PIK3C2G: variants seen among roughly 807,000 people sequenced by gnomAD.
PIK3C2G encodes phosphatidylinositol 3-kinase C2 domain-containing subunit gamma.
PIK3C2G carries 168 observed loss-of-function variants against 181.1 expected under a neutral mutation model. That is an observed-to-expected ratio of 0.93 (90% CI 0.82 to 1.05). The LOEUF (loss-of-function observed/expected upper bound fraction) is 1.05. Ranked by LOEUF, PIK3C2G falls within the 50% of genes least tolerant of loss-of-function variation. The probability of loss-of-function intolerance (pLI) is 0.00; values close to 1 mark genes in which losing one functional copy is unlikely to be tolerated. For missense variants in PIK3C2G, 1,869 were observed against 1,732.8 expected (o/e 1.08, Z -1.40); for synonymous variants, 573 against 592.2 (o/e 0.97, Z 0.47).
At chr12:18,449,730 T>G (rs980220324) in intron 18 of PIK3C2G, among the ~76,000 whole-genome samples, 2 of 152,096 alleles carry the variant, frequency 1.3e-5, no homozygotes, top group African/African-American at 4.8e-5. Context: ...GGTTCCAAGT[T>G]TTTGCTATTA....
the PIK3C2G span, among the ~76,000 whole-genome samples, chr12:18,699,059 G>A: frequency 1.3e-5 from 2 of 152,108 alleles, no homozygotes; most frequent in Non-Finnish European, 2.9e-5. Context: ...CTCAGGCCCC[G>A]TTTTACCTTG....
the PIK3C2G span, among the ~76,000 whole-genome samples, chr12:18,662,435 A>G: frequency 6.6e-6 from 1 of 152,110 alleles, no homozygotes; most frequent in Non-Finnish European, 1.5e-5. Flanking sequence ...TTATGACCCT[A>G]GATCTACCCT....
chr12:18,464,357 C>T (rs11044132), intron 18 of PIK3C2G, among the ~76,000 whole-genome samples: 24,461 of 151,944 alleles, frequency 0.16, 2,335 homozygotes, highest in African/African-American at 0.27. Flanking sequence ...CTAATCACTT[C>T]CCAAAGTCCC....
At chr12:18,462,071 C>G (rs1947949693) in intron 18 of PIK3C2G, among the ~76,000 whole-genome samples, 1 of 152,176 alleles carries the variant, frequency 6.6e-6, no homozygotes, top group African/African-American at 2.4e-5. Context: ...TCTCAAAATC[C>G]TTACTTAGTC....
intron 13 of PIK3C2G, among the ~76,000 whole-genome samples, chr12:18,377,769 A>T (rs1460862575): frequency 6.6e-6 from 1 of 152,206 alleles, no homozygotes; most frequent in Admixed American, 6.5e-5. Flanking sequence ...GTAATACTTT[A>T]AAAAATGACC....
chr12:18,726,034 T>G, the PIK3C2G span, among the ~76,000 whole-genome samples: 1 of 152,136 alleles, frequency 6.6e-6, no homozygotes, highest in Non-Finnish European at 1.5e-5. Flanking sequence ...GTCATTTGTT[T>G]CTTGTATCCT....
chr12:18,335,874 G>T (rs1370272200), intron 8 of PIK3C2G, among the ~76,000 whole-genome samples: 1 of 152,090 alleles, frequency 6.6e-6, no homozygotes, highest in Non-Finnish European at 1.5e-5. Context: ...CTGCAAGACT[G>T]GAGTAATAGA....
the PIK3C2G span, among the ~76,000 whole-genome samples, chr12:18,717,242 A>G: frequency 6.6e-6 from 1 of 152,148 alleles, no homozygotes; most frequent in African/African-American, 2.4e-5. Context: ...CTCTTAAAAA[A>G]ATTAAAATAA....
chr12:18,700,173 T>G, the PIK3C2G span, among the ~76,000 whole-genome samples: 3 of 152,120 alleles, frequency 2.0e-5, no homozygotes, highest in Non-Finnish European at 4.4e-5. Flanking sequence ...ATTAATGTAA[T>G]AAGTATTGAG....
chr12:18,399,475 G>A (rs2138122130), intron 15 of PIK3C2G, among the ~76,000 whole-genome samples, 184 bp from the exon 16 acceptor site: 1 of 151,454 alleles, frequency 6.6e-6, no homozygotes, highest in African/African-American at 2.4e-5. Context: ...AAAGAATAAA[G>A]TTAGTGGAAA....
chr12:18,346,255 A>G (rs943915096), intron 10 of PIK3C2G, among the ~76,000 whole-genome samples: 13 of 152,178 alleles, frequency 8.5e-5, no homozygotes, highest in African/African-American at 3.1e-4. Context: ...CTTTAGATGG[A>G]ATTTGTTTGA....
At position 18,641,743 on chromosome 12, in the gene PIK3C2G, C is replaced by CTTT. The variant is rs11285609; in HGVS notation, c.4308+1207_4308+1209dup. On this transcript the variant is annotated intron_variant, in intron 32 of 32. Coordinates refer to ENST00000538779, the MANE Select transcript of PIK3C2G (RefSeq NM_001288772.2). The stretch of plus-strand genomic sequence containing the variant: ...AAAACCCTGGCTTCTCTCTCTCAAG[C>CTTT]TTTTTTTTTTTTTTTTTTTTGAGAT... Among the ~76,000 whole-genome samples the CTTT allele has an allele frequency of 7.4e-4, 69 of 93,160 alleles. 3 individuals are homozygous for CTTT. Among genetic ancestry groups the CTTT allele is most frequent in the East Asian group, 2.0e-3 (6 of 3,066 alleles). 61.1% of individuals were successfully genotyped at this position (93,160 alleles called of 152,430 possible).
At chr12:18,377,384 C>T (rs538794361) in intron 13 of PIK3C2G, among the ~76,000 whole-genome samples, 2 of 152,236 alleles carry the variant, frequency 1.3e-5, no homozygotes, top group Admixed American at 6.5e-5. Flanking sequence ...TTTTGAAATA[C>T]TATGTTTAGC....
At chr12:18,668,614 T>C in the PIK3C2G span, among the ~76,000 whole-genome samples, 2 of 152,252 alleles carry the variant, frequency 1.3e-5, no homozygotes, top group Non-Finnish European at 2.9e-5. Context: ...ACCAACACCC[T>C]GGGGAAGCCC....
At chr12:18,630,632 G>A (rs1039551295) in intron 31 of PIK3C2G, among the ~76,000 whole-genome samples, 11 of 151,982 alleles carry the variant, frequency 7.2e-5, no homozygotes, top group Non-Finnish European at 1.0e-4. Flanking sequence ...AAATAATTTT[G>A]TACCTCATGA....
chr12:18,327,923 G>A (rs1011912540), intron 8 of PIK3C2G, among the ~76,000 whole-genome samples: 2 of 151,900 alleles, frequency 1.3e-5, no homozygotes, highest in Non-Finnish European at 2.9e-5. Context: ...TGTCTATACA[G>A]AGCAAAGCAG....
At chr12:18,443,445 T>C (rs1317504261) in intron 18 of PIK3C2G, among the ~76,000 whole-genome samples, 1 of 144,754 alleles carries the variant, frequency 6.9e-6, no homozygotes, top group Non-Finnish European at 1.5e-5. Flanking sequence ...TACCCTATTA[T>C]GGCTTTAAAG....
rs555939238 is a variant in PIK3C2G at position 18,616,119 on chromosome 12, G to A, written c.4182+6490G>A. 4.6e-4 allele frequency among the ~76,000 whole-genome samples: 70 copies of A among 151,782 alleles called. 1 individual carries two copies. The highest frequency in any genetic ancestry group is 1.6e-3 in the African/African-American group (65 of 41,408). On this transcript the variant is annotated intron_variant, in intron 31 of 32. Transcript: ENST00000538779. Reference sequence around the variant, plus strand: ...TTGCTCATCCTCCCTGAAGCTCCTGGGTCACTCCTGCTCCTAGTGACCTTT... The same window carrying A: ...TTGCTCATCCTCCCTGAAGCTCCTGAGTCACTCCTGCTCCTAGTGACCTTT...
At chr12:18,507,403 A>T (rs893751799) in intron 24 of PIK3C2G, among the ~76,000 whole-genome samples, 1 of 152,190 alleles carries the variant, frequency 6.6e-6, no homozygotes, top group Admixed American at 6.5e-5. Context: ...AGATACAAAG[A>T]TAATTAATAT....
Sources: gnomAD v4.1 joint callset for allele counts (sites outside exome capture counted in the v4.1 genomes callset) on GRCh38, gnomAD v4.1.1 for gene constraint, MANE v1.5 for transcripts, NCBI Gene and HGNC (gene_info 2026-07-23, HGNC 2026-07-21) for gene names.